The following MSH4 variants were observed in gnomAD, a reference collection of about 807,000 sequenced individuals.
MSH4 encodes mutS homolog 4.
A neutral mutation model predicts 113.7 loss-of-function variants in MSH4; 106 were observed. The observed-to-expected ratio is 0.93, with a 90% CI of 0.80 to 1.10. The LOEUF (loss-of-function observed/expected upper bound fraction) is 1.10. Ranked by LOEUF, MSH4 falls within the 50% of genes least tolerant of loss-of-function variation. The pLI is 0.00. For missense variants in MSH4, 1,061 were observed against 1,093.7 expected, an observed-to-expected ratio of 0.97 and a Z score of 0.42; for synonymous variants, 368 against 380.2, an observed-to-expected ratio of 0.97 and a Z score of 0.37.
chr1:75,817,213 A>C (rs186271306), intron 6 of MSH4, among the ~76,000 whole-genome samples: 1 of 152,238 alleles, frequency 6.6e-6, no homozygotes, highest in African/African-American at 2.4e-5. Flanking sequence ...CCAGTTCAGA[A>C]CTGGGTAAAG....
At chr1:75,842,004 T>C (rs1321627560) in intron 7 of MSH4, among the ~76,000 whole-genome samples, 1 of 152,220 alleles carries the variant, frequency 6.6e-6, no homozygotes, top group Non-Finnish European at 1.5e-5. Flanking sequence ...CAGGAGGTCC[T>C]GAGAACATGT....
intron 4 of MSH4, among the ~76,000 whole-genome samples, chr1:75,812,459 C>T (rs1320872261): frequency 3.9e-5 from 6 of 152,098 alleles, no homozygotes; most frequent in South Asian, 2.1e-4. Context: ...TTTCAGAGGC[C>T]GAGGAGGGTG....
Position 75,904,917 on chromosome 1 carries a change from T to C in MSH4, c.2619+5211T>C, listed in dbSNP as rs1652588787. ...TACAATAGTCTCTAATGATCCTTTG[T>C]ATTTCTGTGGTATCAATTGTTATGT... On this transcript the variant is annotated intron_variant, in intron 19 of 19. Coordinates refer to ENST00000263187, the MANE Select transcript of MSH4 (RefSeq NM_002440.4). 2.0e-5 allele frequency among the ~76,000 whole-genome samples: 3 copies of C among 152,106 alleles called. No individual in the cohort carries two copies. The South Asian group carries it at 6.2e-4, about 31-fold the overall frequency.
At chr1:75,854,747 T>C (rs1019561017) in intron 8 of MSH4, among the ~76,000 whole-genome samples, 4 of 152,154 alleles carry the variant, frequency 2.6e-5, no homozygotes, top group Admixed American at 1.3e-4. Context: ...TAGCCTAACC[T>C]TTTTTTCTTT....
Position 75,880,134 on chromosome 1 carries a change from A to G in MSH4, c.1762A>G (p.Ile588Val), listed in dbSNP as rs773140838. 1 of 1,562,692 alleles carries G rather than the reference A, an allele frequency of 6.4e-7. No individual in the cohort carries two copies. The highest frequency in any genetic ancestry group is 1.7e-5 in the Admixed American group (1 of 58,264). The change falls in exon 13 of 20, where the codon ATC (isoleucine) becomes GTC (valine). Residue 588 changes from isoleucine (I) to valine (V), a missense_variant. Physicochemically the swap from Ile to Val is conservative, Grantham distance 29. Coordinates refer to ENST00000263187, the MANE Select transcript of MSH4 (RefSeq NM_002440.4). ...NERCQESLRE[I>V]YHMTYMIVCK... ...AAGATGCCAAGAATCTTTGAGAGAA[A>G]TCTATCACATGACTTATATGTAAGA...
intron 8 of MSH4, among the ~76,000 whole-genome samples, chr1:75,858,187 A>G (rs1376058286): frequency 6.6e-6 from 1 of 152,120 alleles, no homozygotes; most frequent in Non-Finnish European, 1.5e-5. Context: ...GGGTTTTCTA[A>G]ATATACAATC....
At chr1:75,841,296 C>CTTGAG (rs1650955248) in intron 7 of MSH4, among the ~76,000 whole-genome samples, 1 of 151,772 alleles carries the variant, frequency 6.6e-6, no homozygotes, top group Non-Finnish European at 1.5e-5. Context: ...CCTCTGGGTT[C>CTTGAG]AAGTGATCCT....
At chr1:75,840,308 G>T (rs1418417548) in intron 7 of MSH4, among the ~76,000 whole-genome samples, 1 of 142,460 alleles carries the variant, frequency 7.0e-6, no homozygotes, top group African/African-American at 2.6e-5. Context: ...AGAAAATGTG[G>T]CACATATACA....
intron 2 of MSH4, among the ~76,000 whole-genome samples, chr1:75,806,107 C>G (rs1008163837): frequency 6.6e-6 from 1 of 151,274 alleles, no homozygotes; most frequent in African/African-American, 2.4e-5. Context: ...GGCTATATAT[C>G]TTTAATAATG....
chr1:75,821,000 A>G (rs1444640736), intron 6 of MSH4, among the ~76,000 whole-genome samples: 2 of 151,890 alleles, frequency 1.3e-5, no homozygotes, highest in African/African-American at 4.8e-5. Flanking sequence ...GATCAACGAG[A>G]CAGAAAGTTA....
chr1:75,884,051 T>C (rs1651992816), intron 15 of MSH4, among the ~76,000 whole-genome samples: 2 of 152,172 alleles, frequency 1.3e-5, no homozygotes, highest in South Asian at 4.1e-4. Flanking sequence ...TTTGGGATAC[T>C]ACAGAATTGG....
At chr1:75,901,942 A>G (rs1166117803) in intron 19 of MSH4, among the ~76,000 whole-genome samples, 1 of 151,926 alleles carries the variant, frequency 6.6e-6, no homozygotes, top group Non-Finnish European at 1.5e-5. Flanking sequence ...CCTGTTGGCT[A>G]TATGTTTGTT....
intron 14 of MSH4, among the ~76,000 whole-genome samples, chr1:75,883,199 G>C (rs1396070039): frequency 6.7e-6 from 1 of 149,792 alleles, no homozygotes; most frequent in Non-Finnish European, 1.5e-5. Context: ...TAGAGATAGG[G>C]TTTGACCATG....
At chr1:75,902,698 TATATATATA>T (rs1652533651) in intron 19 of MSH4, among the ~76,000 whole-genome samples, 2 of 19,600 alleles carry the variant, frequency 1.0e-4, no homozygotes, top group African/African-American at 2.6e-4. Context: ...TATATATATA[TATATATATA>T]TATATATATA....
At chr1:75,831,685 A>G (rs1650694877) in intron 7 of MSH4, among the ~76,000 whole-genome samples, 1 of 152,340 alleles carries the variant, frequency 6.6e-6, no homozygotes, top group South Asian at 2.1e-4. Flanking sequence ...CTGAATGACT[A>G]CTGGGTACAT....
At chr1:75,840,845 A>G (rs1450257642) in intron 7 of MSH4, among the ~76,000 whole-genome samples, 1 of 152,134 alleles carries the variant, frequency 6.6e-6, no homozygotes, top group South Asian at 2.1e-4. Flanking sequence ...CAGAACTCTA[A>G]TTAAATAATT....
chr1:75,819,137 T>C (rs944024267), intron 6 of MSH4, among the ~76,000 whole-genome samples: 1 of 152,100 alleles, frequency 6.6e-6, no homozygotes, highest in African/African-American at 2.4e-5. Context: ...TTATTGTTTT[T>C]ATTGTTTATT....
At chr1:75,892,413 A>C (rs547515094) in intron 17 of MSH4, among the ~76,000 whole-genome samples, 2 of 149,688 alleles carry the variant, frequency 1.3e-5, no homozygotes, top group African/African-American at 4.9e-5. Context: ...TCTCACTCTC[A>C]CTCCTGCCCC....
chr1:75,846,857 G>C (rs1330358890), intron 7 of MSH4, among the ~76,000 whole-genome samples: 2 of 152,020 alleles, frequency 1.3e-5, no homozygotes, highest in African/African-American at 4.8e-5. Flanking sequence ...CACATTTTCA[G>C]GTATTTGTTA....
Sources: allele counts gnomAD v4.1 joint callset (sites outside exome capture counted in the v4.1 genomes callset), GRCh38; gene constraint gnomAD v4.1.1; transcripts MANE v1.5; gene names NCBI Gene and HGNC (gene_info 2026-07-23, HGNC 2026-07-21).